CCDC7: variants seen among roughly 807,000 people sequenced by gnomAD.
CCDC7 encodes the protein coiled-coil domain-containing protein 7.
Under a neutral mutation model 196.9 loss-of-function variants are expected in CCDC7, and 183 were observed. The observed-to-expected ratio is 0.93, with a 90% CI of 0.82 to 1.05. CCDC7 has a LOEUF of 1.05. Ranked by LOEUF, CCDC7 falls within the 50% of genes least tolerant of loss-of-function variation. The pLI is 0.00. For synonymous variants in CCDC7, 525 were observed against 484.6 expected (o/e 1.08, Z -1.10); for missense variants, 1,540 against 1,482.2 (o/e 1.04, Z -0.64).
At chr10:32,671,756 G>A (rs923427216) in intron 21 of CCDC7, among the ~76,000 whole-genome samples, 2 of 152,114 alleles carry the variant, frequency 1.3e-5, no homozygotes, top group Non-Finnish European at 2.9e-5. Flanking sequence ...CTACAGGGGT[G>A]TGAGGGCGCT....
chr10:32,807,331 T>C (rs1261884931), intron 30 of CCDC7, among the ~76,000 whole-genome samples: 2 of 151,948 alleles, frequency 1.3e-5, no homozygotes, highest in African/African-American at 4.8e-5. Context: ...AATATAGACA[T>C]GTAGTATATT....
At chr10:32,484,983 G>A (rs1301900243) in intron 8 of CCDC7, among the ~76,000 whole-genome samples, 2 of 152,170 alleles carry the variant, frequency 1.3e-5, no homozygotes, top group African/African-American at 4.8e-5. Context: ...TCTCTGCCAG[G>A]CTTTGGTATC....
At chr10:32,712,332 C>A (rs1759657) in intron 25 of CCDC7, among the ~76,000 whole-genome samples, 52,163 of 152,100 alleles carry the variant, frequency 0.34, 11,344 homozygotes, top group Non-Finnish European at 0.49. Context: ...CATCGACAAT[C>A]ATCATCTCTG....
chr10:32,588,979 C>T (rs1181366336), intron 18 of CCDC7, among the ~76,000 whole-genome samples: 1 of 152,070 alleles, frequency 6.6e-6, no homozygotes, highest in Non-Finnish European at 1.5e-5. Flanking sequence ...GGGTATCCAT[C>T]ATCTCAAGCA....
chr10:32,833,683 G>T (rs1008337834), intron 32 of CCDC7, among the ~76,000 whole-genome samples: 1 of 151,996 alleles, frequency 6.6e-6, no homozygotes, highest in Non-Finnish European at 1.5e-5. Flanking sequence ...TCATTTTCAC[G>T]AAATATTTTA....
At chr10:32,707,000 T>C (rs779271733) in intron 24 of CCDC7, among the ~76,000 whole-genome samples, 67 of 152,172 alleles carry the variant, frequency 4.4e-4, no homozygotes, top group Non-Finnish European at 6.8e-4. Flanking sequence ...TACCAAAGCC[T>C]GGCAGAGACA....
chr10:32,779,108 T>C, intron 29 of CCDC7, 24 bp downstream of exon 30: 1 of 1,449,676 alleles, frequency 6.9e-7, no homozygotes, highest in Non-Finnish European at 9.5e-7. Context: ...TATGTTTGGA[T>C]ACAGTAGAAC....
At chr10:32,801,645 TG>T (rs1470575552) in intron 29 of CCDC7, among the ~76,000 whole-genome samples, 4 of 152,210 alleles carry the variant, frequency 2.6e-5, no homozygotes, top group African/African-American at 4.8e-5. Context: ...TCCAGGGGTC[TG>T]CCAGGACTTC....
At chr10:32,830,015 C>T (rs1026913921) in intron 32 of CCDC7, among the ~76,000 whole-genome samples, 6 of 149,996 alleles carry the variant, frequency 4.0e-5, no homozygotes, top group African/African-American at 1.2e-4. Context: ...TTGACTGGCT[C>T]TCCTTGTTCC....
chr10:32,572,017 G>A (rs1369635741), intron 16 of CCDC7, 124 bp downstream of exon 17: 11 of 855,844 alleles, frequency 1.3e-5, no homozygotes, highest in Non-Finnish European at 1.8e-5. Context: ...ATTTTAAGTA[G>A]AAAATGTTAG....
chr10:32,698,844 A>C (rs2078159367), intron 24 of CCDC7, among the ~76,000 whole-genome samples: 1 of 152,192 alleles, frequency 6.6e-6, no homozygotes, highest in South Asian at 2.1e-4. Flanking sequence ...AATTCAGGAA[A>C]CACAGAGAAC....
upstream of CCDC7, among the ~76,000 whole-genome samples, chr10:32,447,254 C>G (rs552559148): frequency 1.2e-4 from 18 of 152,248 alleles, no homozygotes; most frequent in East Asian, 3.5e-3. Context: ...TTGCCAAATC[C>G]AGTGTCAGCT....
chr10:32,580,566 A>C (rs1042226311), intron 16 of CCDC7, among the ~76,000 whole-genome samples: 6 of 152,104 alleles, frequency 3.9e-5, no homozygotes, highest in Non-Finnish European at 8.8e-5. Flanking sequence ...GAATCATGTT[A>C]GTTTGTACTG....
intron 20 of CCDC7, among the ~76,000 whole-genome samples, chr10:32,659,032 T>C (rs796680852): frequency 1.3e-5 from 2 of 152,176 alleles, no homozygotes; most frequent in African/African-American, 4.8e-5. Context: ...CTCTATTGCA[T>C]TTAGTTCTGC....
intron 20 of CCDC7, among the ~76,000 whole-genome samples, chr10:32,662,135 A>T (rs1055551403): frequency 2.0e-5 from 3 of 152,188 alleles, no homozygotes; most frequent in Non-Finnish European, 4.4e-5. Context: ...ACAGGGTAGC[A>T]CTGAGTTCAA....
At chr10:32,701,935 G>A (rs898095934) in intron 24 of CCDC7, among the ~76,000 whole-genome samples, 1 of 151,776 alleles carries the variant, frequency 6.6e-6, no homozygotes, top group Non-Finnish European at 1.5e-5. Context: ...TTGCTCTAGC[G>A]GTCTGTCAAT....
At chr10:32,457,675 G>A (rs972840645) in intron 3 of CCDC7, among the ~76,000 whole-genome samples, 7 of 151,958 alleles carry the variant, frequency 4.6e-5, no homozygotes, top group African/African-American at 1.7e-4. Flanking sequence ...CCTTTTCTCT[G>A]CATCCTTGTC....
intron 40 of CCDC7, among the ~76,000 whole-genome samples, chr10:32,853,324 C>T (rs2093633509): frequency 6.6e-6 from 1 of 152,024 alleles, no homozygotes; most frequent in Non-Finnish European, 1.5e-5. Context: ...TAATGGTCTT[C>T]TCTTATGGAT....
chr10:32,798,825 C>A (rs2084176613), intron 29 of CCDC7, among the ~76,000 whole-genome samples: 1 of 152,170 alleles, frequency 6.6e-6, no homozygotes, highest in Admixed American at 6.5e-5. Flanking sequence ...CTGTAGCTGT[C>A]CACTGTTGGG....
Sources: allele counts gnomAD v4.1 joint callset (sites outside exome capture counted in the v4.1 genomes callset), GRCh38; gene constraint gnomAD v4.1.1; transcripts MANE v1.5; gene names NCBI Gene and HGNC (gene_info 2026-07-23, HGNC 2026-07-21).